The following FAM107A variants were observed in gnomAD, a reference collection of about 807,000 sequenced individuals.
FAM107A encodes the protein actin-associated protein FAM107A.
Under a neutral mutation model 13.7 loss-of-function variants are expected in FAM107A, and 19 were observed. The ratio of observed to expected loss-of-function variants is 1.38; its 90% CI spans 0.97 to 2.03. The LOEUF (loss-of-function observed/expected upper bound fraction) is 2.03, where lower values mean the gene tolerates loss of function less well. Among genes scored for constraint, FAM107A ranks in the 30% most tolerant of loss-of-function variants. FAM107A has a pLI of 0.00. For missense variants in FAM107A, 203 were observed against 184.4 expected (o/e 1.10, Z -0.58); for synonymous variants, 82 against 74.5 (o/e 1.10, Z -0.52).
intron 1 of FAM107A, among the ~76,000 whole-genome samples, chr3:58,595,296 C>T (rs977407602): frequency 3.3e-5 from 5 of 152,126 alleles, no homozygotes; most frequent in Non-Finnish European, 7.3e-5. Flanking sequence ...CAAGCTAACC[C>T]ATCATATCCC....
intron 1 of FAM107A, among the ~76,000 whole-genome samples, chr3:58,611,826 T>C (rs1391673706): frequency 2.0e-5 from 3 of 152,234 alleles, no homozygotes; most frequent in Non-Finnish European, 4.4e-5. Context: ...GCACGTAAAG[T>C]ATTTGGATAG....
chr3:58,577,305 T>C lies in FAM107A; in HGVS notation c.-6+4A>G. The C allele has an allele frequency of 1.0e-6, 1 of 984,936 alleles. No homozygotes were observed. Among genetic ancestry groups the C allele is most frequent in the Non-Finnish European group, 1.2e-6 (1 of 829,480 alleles). 61.0% of individuals were successfully genotyped at this position (984,936 alleles called of 1,614,324 possible). ...CAGATGAAACAGAACAGAGATGGTCTTACTTCTCAGGTCGAGTCCTTGGGA... is the reference window on the plus strand; with the variant it reads ...CAGATGAAACAGAACAGAGATGGTCCTACTTCTCAGGTCGAGTCCTTGGGA... On this transcript the variant is annotated splice_donor_region_variant and intron_variant, in intron 1 of 3. Transcript: ENST00000360997. This position sits in a 1 kb window ranked among gnomAD's most constrained non-coding sequence, Gnocchi z 4.9.
intron 1 of FAM107A, among the ~76,000 whole-genome samples, chr3:58,601,388 G>A (rs895809590): frequency 2.6e-5 from 4 of 152,128 alleles, no homozygotes; most frequent in African/African-American, 9.7e-5. Flanking sequence ...GTGCAGATGG[G>A]CTCACACTGA....
chr3:58,586,161 T>C (rs1288866871), intron 1 of FAM107A, among the ~76,000 whole-genome samples: 2 of 123,818 alleles, frequency 1.6e-5, no homozygotes, highest in East Asian at 3.9e-4. Flanking sequence ...AGTTTCTTTA[T>C]GCCTGATTGC....
chr3:58,627,014 G>A (rs962218105), intron 1 of FAM107A: 1 of 1,535,988 alleles, frequency 6.5e-7, no homozygotes, highest in South Asian at 1.2e-5. Context: ...TGGGCACCAG[G>A]CCTGGGTGGG....
chr3:58,590,015 A>G (rs1219107409), upstream of FAM107A, among the ~76,000 whole-genome samples: 1 of 152,232 alleles, frequency 6.6e-6, no homozygotes, highest in Non-Finnish European at 1.5e-5. Flanking sequence ...GTTCTTGGAC[A>G]TCTTCTCTTC....
At chr3:58,616,043 G>C (rs906862310) in intron 1 of FAM107A, among the ~76,000 whole-genome samples, 1 of 152,098 alleles carries the variant, frequency 6.6e-6, no homozygotes, top group Admixed American at 6.6e-5. Context: ...TGGGCTGTCA[G>C]AGATACCTGT....
At chr3:58,620,637 G>A (rs1204272589) in intron 1 of FAM107A, among the ~76,000 whole-genome samples, 2 of 152,238 alleles carry the variant, frequency 1.3e-5, no homozygotes, top group African/African-American at 2.4e-5. Flanking sequence ...GTGGAATGAC[G>A]GAGCAGCACT....
chr3:58,590,507 G>A (rs1484902349), upstream of FAM107A, among the ~76,000 whole-genome samples: 1 of 152,174 alleles, frequency 6.6e-6, no homozygotes, highest in African/African-American at 2.4e-5. Context: ...GATACTACCT[G>A]AGACTGGGTA....
intron 1 of FAM107A, among the ~76,000 whole-genome samples, chr3:58,599,695 C>CTTTTTT (rs1559483413): frequency 6.6e-5 from 3 of 45,742 alleles, no homozygotes; most frequent in Non-Finnish European, 1.6e-4. Context: ...ACAAGTGCAC[C>CTTTTTT]ATTTTTTTTT....
chr3:58,582,702 A>T (rs1050181343), upstream of FAM107A, among the ~76,000 whole-genome samples: 5 of 152,100 alleles, frequency 3.3e-5, no homozygotes, highest in Non-Finnish European at 7.4e-5. Flanking sequence ...AACAAAGGAG[A>T]TATGTTCTGG....
At chr3:58,595,799 C>A (rs2065702718) in intron 1 of FAM107A, among the ~76,000 whole-genome samples, 1 of 152,202 alleles carries the variant, frequency 6.6e-6, no homozygotes, top group South Asian at 2.1e-4. Flanking sequence ...TCCAGTGGAA[C>A]CTCAGTGGCC....
At chr3:58,625,544 C>T (rs1416948249) in intron 1 of FAM107A, among the ~76,000 whole-genome samples, 1 of 152,172 alleles carries the variant, frequency 6.6e-6, no homozygotes, top group African/African-American at 2.4e-5. Context: ...TTTTTTGTAC[C>T]TGGGGCCTGT....
At chr3:58,602,184 A>G (rs1321887219) in intron 1 of FAM107A, among the ~76,000 whole-genome samples, 2 of 152,228 alleles carry the variant, frequency 1.3e-5, no homozygotes, top group Non-Finnish European at 2.9e-5. Flanking sequence ...TCAGCAGGTG[A>G]AATCCAAACG....
chr3:58,567,337 C>T lies in FAM107A; in HGVS notation c.198G>A (p.Glu66=), dbSNP rs749118629. 2.9e-5 allele frequency: 47 copies of T among 1,611,584 alleles called. No individual in the cohort carries two copies. Among genetic ancestry groups the T allele is most frequent in the Non-Finnish European group, 3.7e-5 (44 of 1,179,328 alleles). Residue 66 remains glutamate, a synonymous_variant, in exon 3 of 4, where the codon GAG becomes GAA. Transcript: ENST00000360997. ...GGCGGTGCTCTAGGACACGCTGCAGCTCTGGCTTGCTGTCCACACCAAGGC... is the reference window on the plus strand; with the variant it reads ...GGCGGTGCTCTAGGACACGCTGCAGTTCTGGCTTGCTGTCCACACCAAGGC... ...RRGLGVDSKP[E]LQRVLEHRRR...
At chr3:58,622,772 G>A (rs1249287664) in intron 1 of FAM107A, among the ~76,000 whole-genome samples, 2 of 152,074 alleles carry the variant, frequency 1.3e-5, no homozygotes, top group African/African-American at 4.8e-5. Flanking sequence ...GGGCAGGAGG[G>A]GGGCTCTGCC....
chr3:58,583,130 A>G (rs1333242864), intron 1 of FAM107A, among the ~76,000 whole-genome samples: 3 of 152,170 alleles, frequency 2.0e-5, no homozygotes, highest in Admixed American at 1.3e-4. Flanking sequence ...AACTGAAAAA[A>G]GTGGAATTAA....
upstream of FAM107A, among the ~76,000 whole-genome samples, chr3:58,578,781 C>T (rs1353918416): frequency 6.6e-6 from 1 of 152,182 alleles, no homozygotes; most frequent in African/African-American, 2.4e-5. Flanking sequence ...ACCAGGCCTC[C>T]ACCCCAACTT....
chr3:58,574,395 CA>C (rs1379387186), intron 1 of FAM107A: 1 of 152,144 alleles, frequency 6.6e-6, no homozygotes, highest in Non-Finnish European at 1.5e-5. Flanking sequence ...TAGAGTCAGC[CA>C]ACTTTGCAAA....
Sources: allele counts gnomAD v4.1 joint callset (sites outside exome capture counted in the v4.1 genomes callset), GRCh38; gene constraint gnomAD v4.1.1; non-coding constraint Gnocchi (gnomAD v3.1); transcripts MANE v1.5; gene names NCBI Gene and HGNC (gene_info 2026-07-23, HGNC 2026-07-21).